The following CTNNA3 variants were observed in gnomAD, a reference collection of about 807,000 sequenced individuals.
CTNNA3 encodes catenin alpha 3.
A neutral mutation model predicts 95.7 loss-of-function variants in CTNNA3; 76 were observed. The ratio of observed to expected loss-of-function variants is 0.79; its 90% CI spans 0.66 to 0.96. CTNNA3 has a LOEUF of 0.96. CTNNA3 is among the 40% of genes least tolerant of loss of function. CTNNA3 has a pLI of 0.00. For synonymous variants in CTNNA3, 431 were observed against 374.4 expected (o/e 1.15, Z -1.74); for missense variants, 1,191 against 1,089.8 (o/e 1.09, Z -1.31).
chr10:66,140,563 T>C (rs566549320), intron 13 of CTNNA3, among the ~76,000 whole-genome samples: 9 of 152,322 alleles, frequency 5.9e-5, no homozygotes, highest in African/African-American at 2.2e-4. Context: ...GGGGTTTCCA[T>C]TTGTCTTTAT....
chr10:66,470,281 G>A (rs368211001), intron 11 of CTNNA3, among the ~76,000 whole-genome samples: 1 of 151,806 alleles, frequency 6.6e-6, no homozygotes, highest in Admixed American at 6.6e-5. Context: ...AACATGAAAG[G>A]GGAACGCACG....
At chr10:67,238,179 A>C (rs1865578216) in intron 5 of CTNNA3, among the ~76,000 whole-genome samples, 1 of 152,184 alleles carries the variant, frequency 6.6e-6, no homozygotes, top group Admixed American at 6.6e-5. Flanking sequence ...ATGAAAATAC[A>C]ATACACATGA....
chr10:67,589,859 C>T (rs568467293), intron 3 of CTNNA3, among the ~76,000 whole-genome samples: 50 of 152,216 alleles, frequency 3.3e-4, no homozygotes, highest in Non-Finnish European at 4.1e-4. Context: ...ACTGACAAAT[C>T]TTTAAGACTT....
chr10:65,983,457 T>A (rs1386314998), intron 16 of CTNNA3, among the ~76,000 whole-genome samples: 1 of 151,532 alleles, frequency 6.6e-6, no homozygotes, highest in Non-Finnish European at 1.5e-5. Context: ...GCTAATATGA[T>A]TAATTACAAT....
intron 5 of CTNNA3, among the ~76,000 whole-genome samples, chr10:67,314,763 A>C (rs1412779173): frequency 6.6e-6 from 1 of 152,202 alleles, no homozygotes; most frequent in Non-Finnish European, 1.5e-5. Flanking sequence ...TAATGTCCAA[A>C]TTTATTGTTA....
intron 1 of CTNNA3, among the ~76,000 whole-genome samples, chr10:67,679,461 G>A (rs1161992980): frequency 6.6e-6 from 1 of 152,054 alleles, no homozygotes; most frequent in African/African-American, 2.4e-5. Flanking sequence ...AAATGAGAGT[G>A]GTAACAGAAT....
chr10:65,928,219 T>C (rs2077197213), intron 17 of CTNNA3, among the ~76,000 whole-genome samples: 1 of 152,200 alleles, frequency 6.6e-6, no homozygotes, highest in Non-Finnish European at 1.5e-5. Flanking sequence ...TATACAGATA[T>C]TGTTCAAGCA....
intron 5 of CTNNA3, among the ~76,000 whole-genome samples, chr10:67,276,243 G>T (rs1699575537): frequency 1.3e-5 from 2 of 152,086 alleles, no homozygotes; most frequent in South Asian, 2.1e-4. Flanking sequence ...CAATGTTTTT[G>T]TCTGATTGGA....
chr10:66,486,601 A>G (rs902320396), intron 11 of CTNNA3, among the ~76,000 whole-genome samples: 5 of 152,202 alleles, frequency 3.3e-5, no homozygotes, highest in African/African-American at 7.2e-5. Context: ...GTGGGAACGT[A>G]AAGTGCTACA....
intron 15 of CTNNA3, among the ~76,000 whole-genome samples, chr10:66,020,564 A>G (rs2079182147): frequency 6.6e-6 from 1 of 152,210 alleles, no homozygotes; most frequent in Non-Finnish European, 1.5e-5. Context: ...TCTGGCTGGT[A>G]AACTTTCTGA....
intron 4 of CTNNA3, among the ~76,000 whole-genome samples, chr10:67,529,745 T>C (rs552207590): frequency 1.3e-5 from 2 of 152,216 alleles, no homozygotes; most frequent in Admixed American, 6.5e-5. Flanking sequence ...AGGAAATTCA[T>C]GACAAATCCA....
At chr10:67,574,888 T>C (rs9299489) in intron 3 of CTNNA3, among the ~76,000 whole-genome samples, 10,971 of 152,214 alleles carry the variant, frequency 0.072, 619 homozygotes, top group African/African-American at 0.15. Flanking sequence ...ACCAAGGTTG[T>C]TAACATTTTA....
intron 7 of CTNNA3, among the ~76,000 whole-genome samples, chr10:67,030,872 C>T (rs948553333): frequency 4.6e-5 from 7 of 152,014 alleles, no homozygotes; most frequent in Non-Finnish European, 5.9e-5. Context: ...GGTGTGGTGG[C>T]GGGAGTCTGT....
intron 5 of CTNNA3, among the ~76,000 whole-genome samples, chr10:67,252,791 T>C (rs759123820): frequency 2.8e-4 from 43 of 152,316 alleles, no homozygotes; most frequent in Middle Eastern, 3.4e-3. Flanking sequence ...AAACTCAATG[T>C]TTTCTGGTGC....
chr10:66,021,851 G>GTTTTTTTTTTTTTTTTTTTTTT (rs1564583857), intron 15 of CTNNA3, among the ~76,000 whole-genome samples: 6 of 41,678 alleles, frequency 1.4e-4, no homozygotes, highest in South Asian at 1.6e-3. Context: ...CAGGATCTTG[G>GTTTTTTTTTTTTTTTTTTTTTT]CTTTTTTTTT....
In CTNNA3 at chr10:67,162,231, T is replaced by A. The variant is rs141601243; in HGVS notation, c.1047+18086A>T. On this transcript the variant is annotated intron_variant, in intron 7 of 17. Coordinates refer to ENST00000433211, the MANE Select transcript of CTNNA3 (RefSeq NM_013266.4). ...ACCTAACAACATTATTTTTAAGTTT[T>A]TCAAGTTTTCAAATTTGTTTTAAAT... Among the ~76,000 whole-genome samples the A allele has an allele frequency of 5.3e-3, 812 of 152,182 alleles. 8 individuals are homozygous for A. The highest frequency in any genetic ancestry group is 0.019 in the African/African-American group (774 of 41,574).
intron 7 of CTNNA3, among the ~76,000 whole-genome samples, chr10:66,873,355 G>GT (rs1564737108): frequency 6.8e-6 from 1 of 146,396 alleles, no homozygotes. Context: ...ACAGCATCTG[G>GT]TTTTTTTGTT....
At chr10:66,563,182 C>A (rs1362463622) in intron 10 of CTNNA3, among the ~76,000 whole-genome samples, 1 of 152,028 alleles carries the variant, frequency 6.6e-6, no homozygotes, top group Non-Finnish European at 1.5e-5. Flanking sequence ...ATAACCACTG[C>A]TTTTTTCTTT....
At chr10:66,046,848 C>T (rs1485530723) in intron 15 of CTNNA3, among the ~76,000 whole-genome samples, 1 of 152,110 alleles carries the variant, frequency 6.6e-6, no homozygotes, top group Non-Finnish European at 1.5e-5. Flanking sequence ...CTACTACAAA[C>T]ATCTCTAGGC....
Sources: allele counts gnomAD v4.1 joint callset (sites outside exome capture counted in the v4.1 genomes callset), GRCh38; gene constraint gnomAD v4.1.1; transcripts MANE v1.5; gene names NCBI Gene and HGNC (gene_info 2026-07-23, HGNC 2026-07-21).